SYT16: variants seen among roughly 807,000 people sequenced by gnomAD.
SYT16 encodes the protein synaptotagmin-16.
Under a neutral mutation model 61.4 loss-of-function variants are expected in SYT16, and 42 were observed. That is an observed-to-expected ratio of 0.68 (90% CI 0.53 to 0.89). The LOEUF (loss-of-function observed/expected upper bound fraction) is 0.89. Ranked by LOEUF, SYT16 falls within the 40% of genes least tolerant of loss-of-function variation. SYT16 has a pLI of 0.00. For missense variants in SYT16, 804 were observed against 807.3 expected, an observed-to-expected ratio of 1.00 and a Z score of 0.05; for synonymous variants, 314 against 302.3, an observed-to-expected ratio of 1.04 and a Z score of -0.40.
At chr14:61,949,520 A>G (rs563015749) in intron 1 of SYT16, among the ~76,000 whole-genome samples, 1 of 152,216 alleles carries the variant, frequency 6.6e-6, no homozygotes, top group Admixed American at 6.5e-5. Flanking sequence ...CACAGGTATA[A>G]TCATAGTGCA....
At position 61,996,125 on chromosome 14, in the gene SYT16, T is replaced by C. The variant is rs2140630333; in HGVS notation, c.106T>C (p.Ser36Pro). 1 of 1,613,338 alleles carries C rather than the reference T, an allele frequency of 6.2e-7. No homozygotes were observed. Among genetic ancestry groups the C allele is most frequent in the East Asian group, 2.2e-5 (1 of 44,832 alleles). The change falls in exon 3 of 8, where the codon TCT (serine) becomes CCT (proline). Residue 36 changes from serine to proline, a missense_variant. By Grantham distance (74) the Ser-to-Pro change is moderately conservative (BLOSUM62 -1). Transcript: ENST00000683842. ...EALQQAGDML[S>P]ASLVNISKQD... The stretch of plus-strand genomic sequence containing the variant: ...TCTCCAGCAAGCAGGAGATATGTTA[T>C]CTGCTTCGCTGGTTAACATAAGCAA...
At chr14:61,875,228 C>T (rs1594804699) in intron 1 of SYT16, among the ~76,000 whole-genome samples, 1 of 152,174 alleles carries the variant, frequency 6.6e-6, no homozygotes, top group East Asian at 1.9e-4. Context: ...AGATGTAATG[C>T]TTCTTGATCC....
intron 7 of SYT16, among the ~76,000 whole-genome samples, chr14:62,090,454 C>G (rs538309896): frequency 3.4e-4 from 51 of 152,230 alleles, no homozygotes; most frequent in African/African-American, 1.2e-3. Context: ...AGAAAATGTG[C>G]TCTACAGAGT....
rs769151314 is a variant in SYT16 at position 62,081,056 on chromosome 14, A to T, written c.1216A>T (p.Ile406Leu). The T allele has an allele frequency of 1.9e-6, 3 of 1,613,730 alleles. No homozygotes were observed. The South Asian group carries it at 3.3e-5, about 18-fold the overall frequency. Residue 406 changes from isoleucine (I) to leucine (L), a missense_variant, in exon 6 of 8, where the codon ATA becomes TTA. Coordinates refer to ENST00000683842, the MANE Select transcript of SYT16 (RefSeq NM_001367656.1). ...TAAGAAACACAGGGGCAGGACGAAC[A>T]TACAGAGAGGGCCCAACCCCGTCTT... ...PGKKHRGRTN[I>L]QRGPNPVFRE...
chr14:62,016,472 T>A (rs1211514308), intron 3 of SYT16, among the ~76,000 whole-genome samples: 4 of 145,802 alleles, frequency 2.7e-5, no homozygotes, highest in Non-Finnish European at 5.9e-5. Flanking sequence ...GGCGGGCAGA[T>A]CACAAGGTCA....
chr14:61,912,232 C>G (rs1202974920), intron 1 of SYT16, among the ~76,000 whole-genome samples: 2 of 152,166 alleles, frequency 1.3e-5, no homozygotes, highest in African/African-American at 4.8e-5. Flanking sequence ...TTGCTAAGCA[C>G]TGAGAAACAG....
At position 62,010,734 on chromosome 14, in the gene SYT16, G is replaced by A. The variant is rs183491111; in HGVS notation, c.523+14192G>A. ...AAAAATTGTTTGTCTTTTTTTTTGC[G>A]GGGAGGTGGGGGTGAGGATAAACAA... On this transcript the variant is annotated intron_variant, in intron 3 of 7. Transcript: ENST00000683842. 1.0e-3 allele frequency among the ~76,000 whole-genome samples: 157 copies of A among 151,470 alleles called. 1 individual carries two copies. Among genetic ancestry groups the A allele is most frequent in the Admixed American group, 1.4e-3 (22 of 15,228 alleles).
intron 2 of SYT16, among the ~76,000 whole-genome samples, chr14:61,992,950 A>G (rs531162959): frequency 6.6e-6 from 1 of 152,096 alleles, no homozygotes; most frequent in African/African-American, 2.4e-5. Flanking sequence ...TAAAACTAGG[A>G]GAATGATCAA....
At chr14:61,860,969 G>A (rs1054869340) in intron 1 of SYT16, among the ~76,000 whole-genome samples, 3 of 152,164 alleles carry the variant, frequency 2.0e-5, no homozygotes, top group Non-Finnish European at 2.9e-5. Context: ...GAAAGCAATC[G>A]GAGGAGGGTG....
intron 1 of SYT16, among the ~76,000 whole-genome samples, chr14:61,824,905 C>T (rs1280642714): frequency 1.3e-5 from 2 of 152,174 alleles, no homozygotes; most frequent in African/African-American, 4.8e-5. Flanking sequence ...GACTTCATCA[C>T]CATGTGGCTA....
intron 3 of SYT16, among the ~76,000 whole-genome samples, chr14:62,038,794 C>A (rs1191438773): frequency 6.6e-6 from 1 of 152,152 alleles, no homozygotes; most frequent in Admixed American, 6.5e-5. Context: ...TTCTGGGCTT[C>A]AGTAACTTCA....
intron 1 of SYT16, among the ~76,000 whole-genome samples, chr14:61,960,146 G>A (rs1453418212): frequency 6.6e-6 from 1 of 152,090 alleles, no homozygotes; most frequent in East Asian, 1.9e-4. Context: ...TTAAAGAACA[G>A]TTTTGGTTTT....
chr14:61,932,679 C>A (rs1387275955), intron 1 of SYT16, among the ~76,000 whole-genome samples: 1 of 152,138 alleles, frequency 6.6e-6, no homozygotes, highest in Non-Finnish European at 1.5e-5. Flanking sequence ...AGAGCCAAAC[C>A]ATATCAGAGT....
chr14:61,906,114 C>T (rs1231631442), intron 1 of SYT16, among the ~76,000 whole-genome samples: 2 of 152,156 alleles, frequency 1.3e-5, no homozygotes, highest in Non-Finnish European at 2.9e-5. Flanking sequence ...GCTAGTGCTT[C>T]CCTAACTAAC....
At chr14:61,840,086 T>C (rs753354889) in intron 1 of SYT16, among the ~76,000 whole-genome samples, 1 of 152,144 alleles carries the variant, frequency 6.6e-6, no homozygotes, top group Non-Finnish European at 1.5e-5. Context: ...TTGTATGTCA[T>C]AGATTACATG....
chr14:62,057,944 A>G (rs2055639038), intron 3 of SYT16, among the ~76,000 whole-genome samples: 1 of 152,120 alleles, frequency 6.6e-6, no homozygotes, highest in African/African-American at 2.4e-5. Flanking sequence ...CTCTCTCTCT[A>G]ACCCCACCCC....
intron 1 of SYT16, among the ~76,000 whole-genome samples, chr14:61,833,914 C>T (rs915715448): frequency 6.7e-6 from 1 of 149,948 alleles, no homozygotes; most frequent in Non-Finnish European, 1.5e-5. Context: ...TGTGGAGTCC[C>T]ATAGCCTCTA....
At chr14:62,013,992 C>T (rs2053569481) in intron 3 of SYT16, among the ~76,000 whole-genome samples, 1 of 152,064 alleles carries the variant, frequency 6.6e-6, no homozygotes, top group Admixed American at 6.6e-5. Context: ...TTGACTATTC[C>T]CCCCATGAAA....
chr14:61,955,925 C>G (rs1045320844), intron 1 of SYT16, among the ~76,000 whole-genome samples: 4 of 151,934 alleles, frequency 2.6e-5, no homozygotes, highest in Admixed American at 6.6e-5. Flanking sequence ...AAAGGGTTCC[C>G]TTTTCTTCAT....
Sources: allele counts gnomAD v4.1 joint callset (sites outside exome capture counted in the v4.1 genomes callset), GRCh38; gene constraint gnomAD v4.1.1; transcripts MANE v1.5; gene names NCBI Gene and HGNC (gene_info 2026-07-23, HGNC 2026-07-21).